Variants in NXPE4 observed in about 807,000 individuals in gnomAD.
NXPE4 encodes neurexophilin and PC-esterase domain family member 4.
A neutral mutation model predicts 33.3 loss-of-function variants in NXPE4; 42 were observed. The observed-to-expected ratio is 1.26, with a 90% CI of 0.98 to 1.63. NXPE4 has a LOEUF of 1.63. Among genes scored for constraint, NXPE4 ranks in the 40% most tolerant of loss-of-function variants. NXPE4 has a pLI of 0.00. For missense variants in NXPE4, 709 were observed against 647.6 expected, an observed-to-expected ratio of 1.09 and a Z score of -1.03; for synonymous variants, 253 against 234.9, an observed-to-expected ratio of 1.08 and a Z score of -0.71.
At position 114,585,541 on chromosome 11, in the gene NXPE4, TTATG is replaced by T. The variant is rs962100765; in HGVS notation, c.97-2524_97-2521del. 1.4e-4 allele frequency among the ~76,000 whole-genome samples: 21 copies of T among 152,196 alleles called. No individual in the cohort carries two copies. In the South Asian group the frequency reaches 2.5e-3, roughly 18 times the overall value. On this transcript the variant is annotated intron_variant, in intron 2 of 5. Transcript: ENST00000375478. ...CTGTAAAAAGAGAAAAAGAAGGTCA[TTATG>T]TAATAATAAAGAGATCAATTCATCA...
At chr11:114,632,795 T>A in the NXPE4 span, among the ~76,000 whole-genome samples, 1 of 150 alleles carries the variant, frequency 6.7e-3, no homozygotes. Context: ...ATTATATAAT[T>A]ATATATAATT....
At chr11:114,674,183 A>G in the NXPE4 span, among the ~76,000 whole-genome samples, 1 of 151,862 alleles carries the variant, frequency 6.6e-6, no homozygotes, top group Admixed American at 6.6e-5. Context: ...TATTTAAAAA[A>G]TTCATGCATA....
chr11:114,613,583 C>A, the NXPE4 span, among the ~76,000 whole-genome samples: 2 of 151,826 alleles, frequency 1.3e-5, no homozygotes, highest in Non-Finnish European at 2.9e-5. Flanking sequence ...ACCACTGTTA[C>A]CTGGTGGATA....
the NXPE4 span, among the ~76,000 whole-genome samples, chr11:114,664,876 T>C: frequency 6.6e-6 from 1 of 152,130 alleles, no homozygotes; most frequent in African/African-American, 2.4e-5. Context: ...TACTACTGGA[T>C]TGTCAGATGA....
chr11:114,630,309 T>G, the NXPE4 span, among the ~76,000 whole-genome samples: 1 of 151,804 alleles, frequency 6.6e-6, no homozygotes, highest in Non-Finnish European at 1.5e-5. Flanking sequence ...AGCATGGTAC[T>G]GGTACCAAAA....
rs1343095032 is a variant in NXPE4 at position 114,571,356 on chromosome 11, A to G, written c.1217T>C (p.Met406Thr). 1.2e-6 allele frequency: 2 copies of G among 1,613,912 alleles called. No individual in the cohort carries two copies. Among genetic ancestry groups the G allele is most frequent in the Non-Finnish European group, 1.7e-6 (2 of 1,179,914 alleles). Residue 406 changes from methionine to threonine, a missense_variant, in exon 6 of 6, where the codon ATG becomes ACG. Transcript: ENST00000375478. ...CTCCATCTCTTTGACTGAATAGGTC[A>G]TTGATCCTATCAAGGGATAACAATA... ...QKYCYPLIGSMTYSVKEMEYL... is the reference protein window; with the variant it reads ...QKYCYPLIGSTTYSVKEMEYL...
upstream of NXPE4, among the ~76,000 whole-genome samples, chr11:114,598,069 G>A (rs1565341789): frequency 6.6e-6 from 1 of 152,098 alleles, no homozygotes; most frequent in Non-Finnish European, 1.5e-5. Flanking sequence ...TGGGACTATA[G>A]GCATTGGGTA....
the NXPE4 span, among the ~76,000 whole-genome samples, chr11:114,639,963 ATATAT>A: frequency 0.14 from 14,833 of 103,180 alleles, 1,261 homozygotes; most frequent in East Asian, 0.37. Context: ...TTTGTATTAA[ATATAT>A]TATATATAAT....
the NXPE4 span, among the ~76,000 whole-genome samples, chr11:114,633,259 G>A: frequency 7.7e-6 from 1 of 130,126 alleles, no homozygotes; most frequent in Non-Finnish European, 1.6e-5. Context: ...TAATATATAA[G>A]AATGTTATAT....
chr11:114,612,722 G>A, the NXPE4 span, among the ~76,000 whole-genome samples: 2 of 150,696 alleles, frequency 1.3e-5, no homozygotes, highest in East Asian at 4.0e-4. Flanking sequence ...GTGTTGCCTC[G>A]TGGGTAACCA....
intron 5 of NXPE4, among the ~76,000 whole-genome samples, chr11:114,578,336 T>C (rs1949061778): frequency 6.6e-6 from 1 of 152,198 alleles, no homozygotes; most frequent in South Asian, 2.1e-4. Context: ...GTACAACAGT[T>C]GTTTTTCTAT....
chr11:114,626,176 A>G, the NXPE4 span, among the ~76,000 whole-genome samples: 3 of 152,150 alleles, frequency 2.0e-5, no homozygotes, highest in African/African-American at 7.2e-5. Flanking sequence ...AGCCCACCAC[A>G]GCTTAAGGAG....
At chr11:114,584,572 C>A in intron 2 of NXPE4, 1 of 163,874 alleles carries the variant, frequency 6.1e-6, no homozygotes, top group Admixed American at 6.4e-5. Context: ...TTCAAAAAAG[C>A]CAAGAGGATT....
the NXPE4 span, among the ~76,000 whole-genome samples, chr11:114,675,489 A>G: frequency 6.6e-6 from 1 of 151,996 alleles, no homozygotes; most frequent in African/African-American, 2.4e-5. Context: ...GCAGAAATAC[A>G]TAGATTTTCT....
At chr11:114,589,858 C>T (rs1430158690) in intron 2 of NXPE4, among the ~76,000 whole-genome samples, 2 of 152,294 alleles carry the variant, frequency 1.3e-5, no homozygotes, top group Admixed American at 1.3e-4. Context: ...AGCACAAAAA[C>T]CCAATGCAGA....
At chr11:114,661,235 T>G in the NXPE4 span, among the ~76,000 whole-genome samples, 3 of 152,198 alleles carry the variant, frequency 2.0e-5, no homozygotes, top group African/African-American at 4.8e-5. Context: ...TACTTTTTAT[T>G]TAAATCAACA....
chr11:114,605,632 G>A, the NXPE4 span, among the ~76,000 whole-genome samples: 5 of 151,658 alleles, frequency 3.3e-5, no homozygotes, highest in Admixed American at 6.6e-5. Flanking sequence ...GTGTTGCCTC[G>A]TGGGTAACCA....
At chr11:114,640,199 ATAT>A in the NXPE4 span, among the ~76,000 whole-genome samples, 19 of 123,984 alleles carry the variant, frequency 1.5e-4, no homozygotes, top group East Asian at 4.6e-4. Context: ...TAATTTATAT[ATAT>A]TATATTTTAA....
intron 2 of NXPE4, among the ~76,000 whole-genome samples, chr11:114,587,113 G>A (rs1015874148): frequency 7.2e-5 from 11 of 151,980 alleles, no homozygotes; most frequent in Admixed American, 2.0e-4. Context: ...CCTAATTCTC[G>A]CTTTTTTTGC....
Sources: allele counts gnomAD v4.1 joint callset (sites outside exome capture counted in the v4.1 genomes callset), GRCh38; gene constraint gnomAD v4.1.1; transcripts MANE v1.5; gene names NCBI Gene and HGNC (gene_info 2026-07-23, HGNC 2026-07-21).